Variants in MGLL observed in about 807,000 individuals in gnomAD.
MGLL encodes the protein monoglyceride lipase.
MGLL carries 7 observed loss-of-function variants against 29.1 expected under a neutral mutation model. That is an observed-to-expected ratio of 0.24 (90% confidence interval 0.14 to 0.45). The LOEUF (loss-of-function observed/expected upper bound fraction) is 0.45. Among genes scored for constraint, MGLL ranks in the 20% least tolerant of loss-of-function variants. The pLI is 0.99. For missense variants in MGLL, 356 were observed against 413.6 expected, an observed-to-expected ratio of 0.86 and a Z score of 1.21; for synonymous variants, 148 against 168.3, an observed-to-expected ratio of 0.88 and a Z score of 0.93.
intron 2 of MGLL, among the ~76,000 whole-genome samples, chr3:127,813,382 C>T (rs183885981): frequency 6.6e-6 from 1 of 152,264 alleles, no homozygotes; most frequent in Non-Finnish European, 1.5e-5. Flanking sequence ...GCAGCCTCGG[C>T]GGGCATCACT....
intron 2 of MGLL, among the ~76,000 whole-genome samples, chr3:127,807,823 G>A (rs149804855): frequency 0.031 from 3,921 of 126,498 alleles, 186 homozygotes; most frequent in African/African-American, 0.11. Context: ...GTGCAGTGGC[G>A]TAATCTCGGC....
chr3:127,699,866 G>A (rs1036389852), intron 6 of MGLL, among the ~76,000 whole-genome samples: 2 of 152,214 alleles, frequency 1.3e-5, no homozygotes, highest in African/African-American at 4.8e-5. Flanking sequence ...AGCCAGAGGG[G>A]ATAGGGGAGC....
At chr3:127,719,784 A>G (rs765866500) in intron 5 of MGLL, among the ~76,000 whole-genome samples, 3 of 152,196 alleles carry the variant, frequency 2.0e-5, no homozygotes, top group Non-Finnish European at 4.4e-5. Context: ...TGTCCCACAC[A>G]GCACTGAACT....
chr3:127,811,204 T>C (rs907724292), intron 2 of MGLL, among the ~76,000 whole-genome samples: 1 of 150,872 alleles, frequency 6.6e-6, no homozygotes, highest in South Asian at 2.1e-4. Flanking sequence ...CCACTGTAAA[T>C]ATGAGGAACT....
At position 127,697,378 on chromosome 3, in the gene MGLL, C is replaced by T. The variant is rs550010819; in HGVS notation, c.601-2188G>A. On this transcript the variant is annotated intron_variant, in intron 6 of 7. Coordinates refer to ENST00000265052, the MANE Select transcript of MGLL (RefSeq NM_007283.7). Reference sequence around the variant, plus strand: ...TACATCTGAGCTCTGGCTGTCTGCCCGGCACTAAGTGTTTTTGCATGCAGT... The same window carrying T: ...TACATCTGAGCTCTGGCTGTCTGCCTGGCACTAAGTGTTTTTGCATGCAGT... Among the ~76,000 whole-genome samples, 12 of 152,346 alleles carry T rather than the reference C, an allele frequency of 7.9e-5. No individual in the cohort carries two copies. The South Asian group carries it at 1.9e-3, about 24-fold the overall frequency.
intron 5 of MGLL, chr3:127,714,088 G>C (rs113314710): frequency 8.1e-6 from 1 of 123,626 alleles, no homozygotes; most frequent in African/African-American, 2.8e-5. Flanking sequence ...AAAGAGCTTC[G>C]TAGGAAAAAA....
chr3:127,718,981 G>C (rs1183904108), intron 5 of MGLL, among the ~76,000 whole-genome samples: 3 of 152,222 alleles, frequency 2.0e-5, no homozygotes, highest in Admixed American at 6.5e-5. Context: ...AATTGCCAGA[G>C]ATGCAGGAGC....
At chr3:127,736,673 C>T (rs1397660101) in intron 3 of MGLL, among the ~76,000 whole-genome samples, 1 of 152,214 alleles carries the variant, frequency 6.6e-6, no homozygotes, top group Non-Finnish European at 1.5e-5. Context: ...TGCTACTCCT[C>T]TTGTTTGTTT....
intron 2 of MGLL, among the ~76,000 whole-genome samples, chr3:127,790,739 A>C (rs1259186499): frequency 6.6e-6 from 1 of 151,856 alleles, no homozygotes; most frequent in Non-Finnish European, 1.5e-5. Context: ...GCACAGCCTG[A>C]CTCCAGCCTG....
intron 6 of MGLL, among the ~76,000 whole-genome samples, chr3:127,698,797 C>G (rs2075422586): frequency 6.6e-6 from 1 of 152,196 alleles, no homozygotes; most frequent in East Asian, 1.9e-4. Context: ...TTGTGAGTTA[C>G]AGTGATCTTA....
In MGLL at chr3:127,761,624, T is replaced by C. The variant is rs1031224385; in HGVS notation, c.262+20165A>G. On this transcript the variant is annotated intron_variant, in intron 3 of 7. Transcript: ENST00000265052. The surrounding 1 kb of genome is among the most constrained non-coding windows in gnomAD (Gnocchi z 4.6). ...GGGCTACACCAGTCCACCACAAAGG[T>C]ACTGTGGGTTTCCTCTTTTGGCTGG... 6.6e-6 allele frequency among the ~76,000 whole-genome samples: 1 copy of C among 152,154 alleles called. No individual in the cohort carries two copies. The highest frequency in any genetic ancestry group is 2.4e-5 in the African/African-American group (1 of 41,432).
At chr3:127,726,766 G>A (rs1442718953) in intron 3 of MGLL, among the ~76,000 whole-genome samples, 1 of 152,062 alleles carries the variant, frequency 6.6e-6, no homozygotes, top group Non-Finnish European at 1.5e-5. Context: ...CAAACCTTCT[G>A]TGAAGTTGAA....
chr3:127,780,989 C>T (rs1252145798), intron 3 of MGLL, among the ~76,000 whole-genome samples: 1 of 152,236 alleles, frequency 6.6e-6, no homozygotes, highest in Non-Finnish European at 1.5e-5. Flanking sequence ...TACAAAACTA[C>T]ATACCGACTC....
chr3:127,722,712 T>C, intron 3 of MGLL, 146 bp from the exon 4 acceptor site: 2 of 1,164,544 alleles, frequency 1.7e-6, no homozygotes, highest in South Asian at 1.3e-5. Context: ...CTCTTGAACG[T>C]TGGAATTCTT....
rs79388111 is a variant in MGLL, at chr3:127,755,447, C to A, written c.262+26342G>T. ...TGTAGGCCCCCAAACATGGGAGACA[C>A]GATATGCCAGTTGTAGGTCAATGGG... On this transcript the variant is annotated intron_variant, in intron 3 of 7. Coordinates refer to ENST00000265052, the MANE Select transcript of MGLL (RefSeq NM_007283.7). Among the ~76,000 whole-genome samples the A allele has an allele frequency of 6.2e-3, 938 of 152,234 alleles. 9 individuals carry two copies. Among genetic ancestry groups the A allele is most frequent in the African/African-American group, 0.021 (868 of 41,522 alleles).
intron 2 of MGLL, 151 bp from the exon 3 acceptor site, chr3:127,782,046 C>A: frequency 2.8e-6 from 2 of 721,872 alleles, no homozygotes; most frequent in Non-Finnish European, 2.5e-6. Context: ...CATAGTGAAA[C>A]CCCACCTCTA....
Position 127,692,342 on chromosome 3 carries a change from C to A in MGLL, c.817-19G>T. On this transcript the variant is annotated intron_variant, in intron 7 of 7. Coordinates refer to ENST00000265052, the MANE Select transcript of MGLL (RefSeq NM_007283.7). ...CATAAATCTGCAATGAGGAGAGACA[C>A]GGAATCAGAGCTGCACCATCAGAGG... 5.6e-6 allele frequency: 9 copies of A among 1,613,830 alleles called. No individual in the cohort carries two copies. Among genetic ancestry groups the A allele is most frequent in the Non-Finnish European group, 6.8e-6 (8 of 1,179,946 alleles).
chr3:127,780,903 T>G (rs945636121), intron 3 of MGLL, among the ~76,000 whole-genome samples: 3 of 152,188 alleles, frequency 2.0e-5, no homozygotes, highest in African/African-American at 7.2e-5. Context: ...CACAGAGAAG[T>G]CTTAATTTTA....
At chr3:127,736,187 TG>T (rs2076239362) in intron 3 of MGLL, 3 of 962,248 alleles carry the variant, frequency 3.1e-6, no homozygotes, top group African/African-American at 3.7e-5. Context: ...CTGAAATTAT[TG>T]TTAAGTATCA....
Sources: allele counts gnomAD v4.1 joint callset (sites outside exome capture counted in the v4.1 genomes callset), GRCh38; gene constraint gnomAD v4.1.1; non-coding constraint Gnocchi (gnomAD v3.1); transcripts MANE v1.5; gene names NCBI Gene and HGNC (gene_info 2026-07-23, HGNC 2026-07-21).